The following NRG1 variants were observed in gnomAD, a reference collection of about 807,000 sequenced individuals.
NRG1 encodes neuregulin 1.
In NRG1, 18 loss-of-function variants were observed where a neutral mutation model predicts 63.8. The ratio of observed to expected loss-of-function variants is 0.28; its 90% CI spans 0.19 to 0.42. The LOEUF is 0.42. NRG1 is among the 10% of genes least tolerant of loss of function. The pLI, the probability that NRG1 is intolerant of heterozygous loss-of-function variation, is 1.00. For missense variants in NRG1, 762 were observed against 814.7 expected (o/e 0.94, Z 0.79); for synonymous variants, 302 against 301.3 (o/e 1.00, Z -0.02).
chr8:31,662,877 C>T (rs1806140500), intron 1 of NRG1, among the ~76,000 whole-genome samples: 1 of 152,156 alleles, frequency 6.6e-6, no homozygotes, highest in Non-Finnish European at 1.5e-5. Flanking sequence ...CTCTTCTCCT[C>T]ATCCTCCTTA....
At chr8:31,974,371 T>C (rs1333099700) in intron 1 of NRG1, among the ~76,000 whole-genome samples, 1 of 152,124 alleles carries the variant, frequency 6.6e-6, no homozygotes, top group Admixed American at 6.5e-5. Context: ...TATTTACCTA[T>C]GTTGCCCAAG....
chr8:32,649,289 A>G (rs1222590885), intron 5 of NRG1, among the ~76,000 whole-genome samples: 2 of 152,026 alleles, frequency 1.3e-5, no homozygotes, highest in Non-Finnish European at 2.9e-5. Context: ...GCATTGCGTA[A>G]TTGCAATAGC....
At chr8:32,004,452 C>T (rs1295270320) in intron 1 of NRG1, among the ~76,000 whole-genome samples, 1 of 144,992 alleles carries the variant, frequency 6.9e-6, no homozygotes, top group African/African-American at 2.6e-5. Flanking sequence ...GTCACAAGTG[C>T]ACCACACTAA....
chr8:31,892,134 A>C (rs2129614046), intron 1 of NRG1, among the ~76,000 whole-genome samples: 1 of 152,240 alleles, frequency 6.6e-6, no homozygotes, highest in East Asian at 1.9e-4. Context: ...AACTGGGTAA[A>C]GGGCAAATGG....
chr8:32,318,796 A>G (rs1350832106), intron 1 of NRG1, among the ~76,000 whole-genome samples: 1 of 152,172 alleles, frequency 6.6e-6, no homozygotes, highest in Non-Finnish European at 1.5e-5. Context: ...TTCCGTTTGC[A>G]ATTCAGTATC....
chr8:32,533,073 AT>A (rs1831616291), intron 1 of NRG1, among the ~76,000 whole-genome samples: 1 of 151,712 alleles, frequency 6.6e-6, no homozygotes, highest in Non-Finnish European at 1.5e-5. Context: ...TACACTTAAC[AT>A]TTTTTTCTTT....
At chr8:31,804,742 G>C (rs2131738767) in intron 1 of NRG1, among the ~76,000 whole-genome samples, 1 of 152,234 alleles carries the variant, frequency 6.6e-6, no homozygotes, top group African/African-American at 2.4e-5. Flanking sequence ...GCAATCGGAT[G>C]AGGCACACCC....
intron 1 of NRG1, among the ~76,000 whole-genome samples, chr8:31,964,709 A>G (rs531024998): frequency 1.3e-5 from 2 of 152,260 alleles, no homozygotes; most frequent in East Asian, 3.9e-4. Flanking sequence ...AATGGGAAAA[A>G]TCGCAGTTGC....
At chr8:32,425,956 A>G (rs1036157347) in intron 1 of NRG1, among the ~76,000 whole-genome samples, 1 of 152,176 alleles carries the variant, frequency 6.6e-6, no homozygotes, top group African/African-American at 2.4e-5. Flanking sequence ...AGTGGGTAGA[A>G]ACTATGGATC....
At chr8:31,641,811 A>G (rs774865562) in intron 1 of NRG1, 3 of 152,166 alleles carry the variant, frequency 2.0e-5, no homozygotes, top group Non-Finnish European at 2.9e-5. Flanking sequence ...TTGAATTTTT[A>G]TAAAACTCAG....
chr8:32,217,419 C>T (rs538303044), intron 1 of NRG1, among the ~76,000 whole-genome samples: 2 of 152,088 alleles, frequency 1.3e-5, no homozygotes, highest in Admixed American at 6.6e-5. Flanking sequence ...AGTCAGTCAA[C>T]AGAACACCAG....
chr8:32,239,600 C>T (rs1847910203), intron 1 of NRG1, among the ~76,000 whole-genome samples: 1 of 151,976 alleles, frequency 6.6e-6, no homozygotes, highest in African/African-American at 2.4e-5. Flanking sequence ...GTAAGAGACC[C>T]TGTGTAAAGA....
intron 1 of NRG1, among the ~76,000 whole-genome samples, chr8:31,647,003 A>G (rs1244419368): frequency 3.9e-5 from 6 of 152,228 alleles, no homozygotes; most frequent in African/African-American, 1.4e-4. Context: ...GGAAAAAAAA[A>G]TTCCAGTGTT....
intron 1 of NRG1, among the ~76,000 whole-genome samples, chr8:32,228,731 T>C (rs1302181916): frequency 6.6e-6 from 1 of 151,976 alleles, no homozygotes; most frequent in Non-Finnish European, 1.5e-5. Context: ...TTTAATTAGA[T>C]CCATATGAAA....
chr8:32,430,256 T>C (rs1414507860), intron 1 of NRG1, among the ~76,000 whole-genome samples: 2 of 152,224 alleles, frequency 1.3e-5, no homozygotes, highest in Non-Finnish European at 2.9e-5. Context: ...TTAAGAATTC[T>C]GGATTCCTTA....
chr8:32,321,868 A>G (rs1231557120), intron 1 of NRG1, among the ~76,000 whole-genome samples: 1 of 149,112 alleles, frequency 6.7e-6, no homozygotes, highest in East Asian at 2.0e-4. Context: ...TTTTTCTATT[A>G]TATAAGCTAG....
chr8:31,809,741 G>GTTTTTTTTTTTTTTTTTTT (rs753730069), intron 1 of NRG1, among the ~76,000 whole-genome samples: 2 of 68,016 alleles, frequency 2.9e-5, no homozygotes, highest in Admixed American at 1.9e-4. Flanking sequence ...TCTATTAATT[G>GTTTTTTTTTTTTTTTTTTT]TTTTTTTTTT....
intron 1 of NRG1, among the ~76,000 whole-genome samples, chr8:31,947,022 C>T (rs1419192413): frequency 3.3e-5 from 5 of 152,166 alleles, no homozygotes; most frequent in Non-Finnish European, 5.9e-5. Flanking sequence ...TGGATATGGC[C>T]GGGCGCGGTG....
chr8:32,179,352 G>A (rs564455766), intron 1 of NRG1, among the ~76,000 whole-genome samples: 8 of 152,180 alleles, frequency 5.3e-5, no homozygotes, highest in Middle Eastern at 3.4e-3. Flanking sequence ...GTAGCAATAC[G>A]TTTCTGCCTA....
Sources: gnomAD v4.1 joint callset for allele counts (sites outside exome capture counted in the v4.1 genomes callset) on GRCh38, gnomAD v4.1.1 for gene constraint, MANE v1.5 for transcripts, NCBI Gene and HGNC (gene_info 2026-07-23, HGNC 2026-07-21) for gene names.